The following FRMPD4 variants were observed in gnomAD, a reference collection of about 807,000 sequenced individuals.
The protein encoded by FRMPD4 is FERM and PDZ domain-containing protein 4.
A neutral mutation model predicts 94.1 loss-of-function variants in FRMPD4; 22 were observed. The ratio of observed to expected loss-of-function variants is 0.23; its 90% confidence interval spans 0.17 to 0.33. The LOEUF (loss-of-function observed/expected upper bound fraction) is 0.33. Ranked by LOEUF, FRMPD4 falls within the 10% of genes least tolerant of loss-of-function variation. The pLI is 1.00. For missense variants in FRMPD4, 1,111 were observed against 1,339.9 expected, an observed-to-expected ratio of 0.83 and a Z score of 2.67; for synonymous variants, 631 against 548.6, an observed-to-expected ratio of 1.15 and a Z score of -2.10.
chrX:12,299,765 A>C (rs374450446), intron 1 of FRMPD4, among the ~76,000 whole-genome samples: 1 of 112,041 alleles, frequency 8.9e-6, no homozygotes, highest in African/African-American at 3.2e-5. Flanking sequence ...TTTGTAGGAC[A>C]CAAAAGTAAG....
intron 1 of FRMPD4, among the ~76,000 whole-genome samples, chrX:12,240,681 T>C (rs1167511257): frequency 8.9e-6 from 1 of 112,233 alleles, no homozygotes; most frequent in Non-Finnish European, 1.9e-5. Context: ...TTTTTATAGA[T>C]CAAGATAAGC....
At chrX:12,522,458 A>G (rs1479225315) in intron 2 of FRMPD4, among the ~76,000 whole-genome samples, 5 of 111,642 alleles carry the variant, frequency 4.5e-5, no homozygotes, top group African/African-American at 1.3e-4. Context: ...TGTTGACACT[A>G]ATGCATGTAT....
rs1410478773 is a variant in FRMPD4, at chrX:12,472,368, C to T, written c.42-26312C>T. ...CTTAAGGCAATCATCTTGTTCTCCC[C>T]AAACGTAATGATTAAAACTTGGAAG... On this transcript the variant is annotated intron_variant, in intron 1 of 16. Coordinates refer to ENST00000675598, the MANE Select transcript of FRMPD4 (RefSeq NM_001368397.1). 1.1e-4 allele frequency among the ~76,000 whole-genome samples: 12 copies of T among 112,150 alleles called. No individual in the cohort carries two copies. In the Admixed American group the frequency reaches 1.1e-3, roughly 11 times the overall value.
intron 1 of FRMPD4, among the ~76,000 whole-genome samples, chrX:12,282,326 C>T (rs2054538796): frequency 1.8e-5 from 2 of 112,369 alleles, no homozygotes; most frequent in Admixed American, 1.9e-4. Flanking sequence ...CCATCAGGCA[C>T]AGGGCTGAAG....
At chrX:12,368,672 A>G (rs1569248933) in intron 1 of FRMPD4, among the ~76,000 whole-genome samples, 1 of 111,449 alleles carries the variant, frequency 9.0e-6, no homozygotes, top group Non-Finnish European at 1.9e-5. Flanking sequence ...TGAGTTCAGG[A>G]GTTCAAGACC....
intron 10 of FRMPD4, 106 bp from the exon 11 acceptor site, chrX:12,704,253 G>A: frequency 1.8e-6 from 1 of 542,037 alleles, no homozygotes. Context: ...TCCATTCTCT[G>A]CCTCACCAAG....
chrX:12,393,070 A>G (rs1049719912), intron 1 of FRMPD4, among the ~76,000 whole-genome samples: 8 of 112,674 alleles, frequency 7.1e-5, no homozygotes, highest in African/African-American at 2.3e-4. Flanking sequence ...CAGGGACTGC[A>G]AATCCAGTTT....
chrX:12,193,363 TATAAA>T (rs1290896678), intron 1 of FRMPD4, among the ~76,000 whole-genome samples: 2 of 111,011 alleles, frequency 1.8e-5, no homozygotes. Context: ...TCCAAAATAT[TATAAA>T]ATATTCATTT....
rs138170651 is a variant in FRMPD4, at chrX:12,701,577, C to T, written c.934-297C>T. ...TATCAATGCTGTGTGCATTCAACTG[C>T]GGCACCTGTGTTTGGAAATTTCATA... On this transcript the variant is annotated intron_variant, in intron 9 of 16. Coordinates refer to ENST00000675598, the MANE Select transcript of FRMPD4 (RefSeq NM_001368397.1). 2.3e-3 allele frequency among the ~76,000 whole-genome samples: 262 copies of T among 112,087 alleles called. 3 individuals are homozygous for T. The highest frequency in any genetic ancestry group is 8.0e-3 in the African/African-American group (247 of 30,873).
At chrX:11,999,313 C>A (rs2054512134) in intron 3 of FRMPD4, among the ~76,000 whole-genome samples, 1 of 111,843 alleles carries the variant, frequency 8.9e-6, no homozygotes, top group Admixed American at 9.5e-5. Context: ...AAAGATATTG[C>A]TAGCTATACA....
intron 1 of FRMPD4, among the ~76,000 whole-genome samples, chrX:12,427,070 T>C (rs965246810): frequency 6.3e-5 from 7 of 111,705 alleles, no homozygotes; most frequent in Non-Finnish European, 1.1e-4. Context: ...GTTTGGTACA[T>C]TGTAAGCATA....
At chrX:12,538,675 G>A (rs1260618716) in intron 2 of FRMPD4, among the ~76,000 whole-genome samples, 2 of 111,778 alleles carry the variant, frequency 1.8e-5, no homozygotes, top group South Asian at 3.8e-4. Flanking sequence ...TGCAGCCTCC[G>A]CTGATACCCA....
intron 3 of FRMPD4, among the ~76,000 whole-genome samples, chrX:11,887,587 C>T (rs2053852858): frequency 8.9e-6 from 1 of 112,322 alleles, no homozygotes; most frequent in Admixed American, 9.4e-5. Flanking sequence ...TCTTTACCTA[C>T]AACTGTCTTG....
At chrX:12,387,269 C>G (rs1467983430) in intron 1 of FRMPD4, among the ~76,000 whole-genome samples, 1 of 112,312 alleles carries the variant, frequency 8.9e-6, no homozygotes, top group Admixed American at 9.4e-5. Flanking sequence ...CAAACATTCT[C>G]AGGGCCACAG....
At chrX:11,833,035 T>C in intron 1 of FRMPD4, among the ~76,000 whole-genome samples, 1 of 112,674 alleles carries the variant, frequency 8.9e-6, no homozygotes, top group South Asian at 3.7e-4. Context: ...CCTAATACTT[T>C]TACTGTGTCC....
chrX:12,116,148 G>A (rs189270702), intron 3 of FRMPD4, among the ~76,000 whole-genome samples: 73 of 111,668 alleles, frequency 6.5e-4, no homozygotes, highest in Admixed American at 6.2e-3. Context: ...CATTCCAGAC[G>A]CTTCCCAGCC....
At chrX:12,021,874 C>T (rs1383264967) in intron 3 of FRMPD4, among the ~76,000 whole-genome samples, 1 of 112,496 alleles carries the variant, frequency 8.9e-6, no homozygotes, top group Non-Finnish European at 1.9e-5. Flanking sequence ...CCCAGAACAA[C>T]ACCATGTTAC....
At chrX:11,829,009 G>A (rs754549747) in intron 1 of FRMPD4, among the ~76,000 whole-genome samples, 3 of 112,286 alleles carry the variant, frequency 2.7e-5, no homozygotes, top group South Asian at 3.7e-4. Context: ...AAGAGCCAAC[G>A]TCCCAACTTG....
Position 11,903,123 on chromosome X carries a change from T to C in FRMPD4, c.95+25105T>C, listed in dbSNP as rs5979484. The stretch of plus-strand genomic sequence containing the variant: ...CATTCTCCGTTTTGTTCACAGTCTT[T>C]GAGTGTGATTACTAGTCTAATCTAC... On this transcript the variant is annotated intron_variant, in intron 3 of 18. Transcript: ENST00000640291. 3.3e-3 allele frequency among the ~76,000 whole-genome samples: 373 copies of C among 112,261 alleles called. 3 individuals carry two copies. Among genetic ancestry groups the C allele is most frequent in the African/African-American group, 0.012 (356 of 30,902 alleles).
Sources: allele counts gnomAD v4.1 joint callset (sites outside exome capture counted in the v4.1 genomes callset), GRCh38; gene constraint gnomAD v4.1.1; transcripts MANE v1.5; gene names NCBI Gene and HGNC (gene_info 2026-07-23, HGNC 2026-07-21).